NCKAP5: variants seen among roughly 807,000 people sequenced by gnomAD.
NCKAP5 encodes the protein nck-associated protein 5.
A neutral mutation model predicts 167.0 loss-of-function variants in NCKAP5; 92 were observed. The observed-to-expected ratio is 0.55, with a 90% confidence interval of 0.47 to 0.66. The LOEUF (loss-of-function observed/expected upper bound fraction) is 0.66. NCKAP5 is among the 30% of genes least tolerant of loss of function. The pLI is 0.00. For synonymous variants in NCKAP5, 891 were observed against 877.4 expected, an observed-to-expected ratio of 1.02 and a Z score of -0.27; for missense variants, 2,378 against 2,315.0, an observed-to-expected ratio of 1.03 and a Z score of -0.56.
chr2:133,518,420 T>C (rs1326724393), intron 2 of NCKAP5, among the ~76,000 whole-genome samples: 1 of 118,740 alleles, frequency 8.4e-6, no homozygotes, highest in Non-Finnish European at 1.7e-5. Context: ...AGTGGCACGA[T>C]CTCAGCTCAC....
At chr2:133,104,716 A>G (rs2081626044) in intron 6 of NCKAP5, among the ~76,000 whole-genome samples, 1 of 152,214 alleles carries the variant, frequency 6.6e-6, no homozygotes, top group South Asian at 2.1e-4. Context: ...TCATCCACAC[A>G]TATAATTCCT....
chr2:133,534,118 T>TA (rs2104843723), intron 2 of NCKAP5, among the ~76,000 whole-genome samples: 1 of 152,346 alleles, frequency 6.6e-6, no homozygotes, highest in African/African-American at 2.4e-5. Context: ...TTTTGGAAAT[T>TA]AAAATATAAG....
intron 5 of NCKAP5, among the ~76,000 whole-genome samples, chr2:133,211,327 C>A (rs922060444): frequency 5.3e-5 from 8 of 152,030 alleles, no homozygotes; most frequent in African/African-American, 1.9e-4. Flanking sequence ...GTCTCCTGGG[C>A]TTAAATGATC....
At chr2:133,598,225 T>C in the NCKAP5 span, among the ~76,000 whole-genome samples, 1 of 152,236 alleles carries the variant, frequency 6.6e-6, no homozygotes, top group African/African-American at 2.4e-5. Context: ...ACGTGAGCAA[T>C]GCCTGGCACA....
intron 8 of NCKAP5, among the ~76,000 whole-genome samples, chr2:132,946,123 T>C (rs889229408): frequency 2.0e-5 from 3 of 152,196 alleles, no homozygotes; most frequent in Non-Finnish European, 2.9e-5. Flanking sequence ...GGAAGAATTA[T>C]AGATGATGTC....
intron 5 of NCKAP5, among the ~76,000 whole-genome samples, chr2:133,134,469 C>T (rs2082716146): frequency 6.6e-6 from 1 of 152,180 alleles, no homozygotes; most frequent in African/African-American, 2.4e-5. Flanking sequence ...TGTGGTTTTA[C>T]AGAGTGCAGT....
intron 11 of NCKAP5, among the ~76,000 whole-genome samples, chr2:132,805,747 A>T (rs935749991): frequency 4.0e-5 from 6 of 151,746 alleles, no homozygotes; most frequent in African/African-American, 1.4e-4. Flanking sequence ...TTTTTAAAAA[A>T]TTTAATTTAA....
At chr2:132,983,911 C>T (rs2077211772) in intron 7 of NCKAP5, among the ~76,000 whole-genome samples, 1 of 152,174 alleles carries the variant, frequency 6.6e-6, no homozygotes. Context: ...CTTTGAACTT[C>T]CATTGAGCAT....
rs1684529294 is a variant in NCKAP5, at chr2:133,353,873, A to G, written c.70-50763T>C. On this transcript the variant is annotated intron_variant, in intron 3 of 19. Transcript: ENST00000409261. Reference sequence around the variant, plus strand: ...CCACTAAGAGCTACCTCCACCACTCAGTAAAACCCCTATCCATCCTTCAAG... The same window carrying G: ...CCACTAAGAGCTACCTCCACCACTCGGTAAAACCCCTATCCATCCTTCAAG... Among the ~76,000 whole-genome samples the G allele has an allele frequency of 2.0e-5, 3 of 152,180 alleles. No individual in the cohort carries two copies. In the South Asian group the frequency reaches 6.2e-4, roughly 31 times the overall value.
At chr2:132,873,943 G>A (rs2148787314) in intron 9 of NCKAP5, among the ~76,000 whole-genome samples, 1 of 152,114 alleles carries the variant, frequency 6.6e-6, no homozygotes, top group South Asian at 2.1e-4. Context: ...AATCTGCTGG[G>A]TCCTGCAAAA....
chr2:133,156,745 C>T (rs1232562628), intron 5 of NCKAP5, among the ~76,000 whole-genome samples: 2 of 152,184 alleles, frequency 1.3e-5, no homozygotes, highest in African/African-American at 2.4e-5. Flanking sequence ...AACCTGCTTC[C>T]TTGCCTCCAA....
Position 132,673,004 on chromosome 2 carries a change from A to C in NCKAP5, c.*285T>G, listed in dbSNP as rs1683936958. The stretch of plus-strand genomic sequence containing the variant: ...TTCTTAAGCGCTCCAGTCCCAGCTC[A>C]CTAAGGGAAGAGATGTCCTTTATAC... On this transcript the variant is annotated 3_prime_UTR_variant, in exon 20 of 20. Transcript: ENST00000409261. 4 of 943,222 alleles carry C rather than the reference A, an allele frequency of 4.2e-6. No homozygotes were observed. The highest frequency in any genetic ancestry group is 3.7e-6 in the Non-Finnish European group (3 of 814,592). 58.4% of individuals were successfully genotyped at this position (943,222 alleles called of 1,614,324 possible).
At chr2:132,816,203 G>A (rs1686254637) in intron 11 of NCKAP5, among the ~76,000 whole-genome samples, 1 of 152,102 alleles carries the variant, frequency 6.6e-6, no homozygotes, top group Non-Finnish European at 1.5e-5. Context: ...ACTGCTAGCT[G>A]TTTTTAGGAT....
chr2:132,822,304 T>C (rs962948031), intron 11 of NCKAP5, among the ~76,000 whole-genome samples: 2 of 152,212 alleles, frequency 1.3e-5, no homozygotes, highest in Non-Finnish European at 2.9e-5. Context: ...CAGAGTCCAC[T>C]TCACTCCCCT....
At chr2:133,505,281 T>C (rs1000439188) in intron 3 of NCKAP5, among the ~76,000 whole-genome samples, 1 of 151,962 alleles carries the variant, frequency 6.6e-6, no homozygotes, top group Non-Finnish European at 1.5e-5. Context: ...AGAAAGGAAT[T>C]TGAGGTTGGT....
intron 3 of NCKAP5, among the ~76,000 whole-genome samples, chr2:133,331,507 C>T (rs565298565): frequency 1.2e-4 from 18 of 152,158 alleles, no homozygotes; most frequent in East Asian, 1.9e-4. Context: ...CCGTTGTTCC[C>T]GTTATGACTG....
chr2:133,213,851 A>G, intron 4 of NCKAP5, 72 bp from the exon 5 acceptor site: 2 of 1,476,588 alleles, frequency 1.4e-6, no homozygotes, highest in South Asian at 1.2e-5. Flanking sequence ...GCCGTGAAAC[A>G]TTCTTTTGAG....
intron 3 of NCKAP5, among the ~76,000 whole-genome samples, chr2:133,345,896 A>G (rs1160817302): frequency 6.6e-6 from 1 of 152,154 alleles, no homozygotes; most frequent in Non-Finnish European, 1.5e-5. Context: ...ACAGAGATGG[A>G]AGATGACTGA....
chr2:133,633,814 G>A, the NCKAP5 span, among the ~76,000 whole-genome samples: 1 of 152,188 alleles, frequency 6.6e-6, no homozygotes, highest in African/African-American at 2.4e-5. Flanking sequence ...TAAATAGCAG[G>A]CATCTAAAAG....
Sources: gnomAD v4.1 joint callset for allele counts (sites outside exome capture counted in the v4.1 genomes callset) on GRCh38, gnomAD v4.1.1 for gene constraint, MANE v1.5 for transcripts, NCBI Gene and HGNC (gene_info 2026-07-23, HGNC 2026-07-21) for gene names.